Variants in PLCB1 observed in about 807,000 individuals in gnomAD.
PLCB1 encodes the protein 1-phosphatidylinositol 4,5-bisphosphate phosphodiesterase beta-1.
Under a neutral mutation model 161.8 loss-of-function variants are expected in PLCB1, and 46 were observed. The ratio of observed to expected loss-of-function variants is 0.28; its 90% CI spans 0.22 to 0.36. The LOEUF is 0.36. Among genes scored for constraint, PLCB1 ranks in the 10% least tolerant of loss-of-function variants. PLCB1 has a pLI of 1.00. For missense variants in PLCB1, 1,016 were observed against 1,472.5 expected, an observed-to-expected ratio of 0.69 and a Z score of 5.07; for synonymous variants, 517 against 503.7, an observed-to-expected ratio of 1.03 and a Z score of -0.35.
At chr20:8,627,779 G>A (rs1241002638) in intron 3 of PLCB1, among the ~76,000 whole-genome samples, 2 of 152,174 alleles carry the variant, frequency 1.3e-5, no homozygotes, top group Non-Finnish European at 2.9e-5. Context: ...CATATGCATG[G>A]CAGGCACTAC....
intron 31 of PLCB1, among the ~76,000 whole-genome samples, chr20:8,852,810 C>T (rs770494300): frequency 6.6e-6 from 1 of 152,230 alleles, no homozygotes; most frequent in Non-Finnish European, 1.5e-5. Flanking sequence ...AATGCTAGAT[C>T]CTACAGGTAA....
intron 3 of PLCB1, among the ~76,000 whole-genome samples, chr20:8,463,259 A>T (rs1385067964): frequency 2.0e-5 from 3 of 151,614 alleles, no homozygotes; most frequent in East Asian, 3.9e-4. Flanking sequence ...ATGCCTCTCA[A>T]AGATTCAAAG....
chr20:8,462,060 G>A (rs1258610223), intron 3 of PLCB1, among the ~76,000 whole-genome samples: 2 of 151,498 alleles, frequency 1.3e-5, no homozygotes, highest in Non-Finnish European at 2.9e-5. Context: ...ATGTATATAT[G>A]TAAATATATG....
intron 7 of PLCB1, 151 bp from the exon 8 acceptor site, chr20:8,657,033 G>T: frequency 1.7e-6 from 1 of 598,856 alleles, no homozygotes; most frequent in East Asian, 2.8e-5. Flanking sequence ...CCTCCTAGAA[G>T]AAAAGGAAAA....
Position 8,741,566 on chromosome 20 carries a change from A to G in PLCB1, c.2516A>G (p.Lys839Arg). ...ACACTGGAAGATGAAGAAGAAGTAA[A>G]GAAAGAGGTGAGAGGGTGTTTTAAT... is the stretch of plus-strand genomic sequence containing the variant. ...ALTLEDEEEV[K>R]KEADPGETPS... The change falls in exon 23 of 32, where the codon AAG (lysine) becomes AGG (arginine). Residue 839 changes from lysine (K) to arginine (R), a missense_variant. Transcript: ENST00000338037. 1 of 1,606,544 alleles carries G rather than the reference A, an allele frequency of 6.2e-7. No individual in the cohort carries two copies. The highest frequency in any genetic ancestry group is 8.5e-7 in the Non-Finnish European group (1 of 1,173,194).
intron 3 of PLCB1, among the ~76,000 whole-genome samples, chr20:8,583,486 C>T (rs181185462): frequency 6.6e-6 from 1 of 152,172 alleles, no homozygotes; most frequent in Non-Finnish European, 1.5e-5. Flanking sequence ...GGGAATCTAA[C>T]CTAACACAGT....
At chr20:8,441,825 C>A (rs1980573666) in intron 3 of PLCB1, among the ~76,000 whole-genome samples, 1 of 152,064 alleles carries the variant, frequency 6.6e-6, no homozygotes, top group South Asian at 2.1e-4. Context: ...ATTTTAAATC[C>A]TTTTAAATAT....
intron 31 of PLCB1, 107 bp from the exon 32 acceptor site, chr20:8,881,515 A>T: frequency 2.5e-6 from 2 of 804,252 alleles, no homozygotes; most frequent in Non-Finnish European, 4.2e-6. Flanking sequence ...ATTTTAAGTT[A>T]ATGTATTCAT....
At chr20:8,432,634 T>C (rs1397778272) in intron 3 of PLCB1, among the ~76,000 whole-genome samples, 1 of 152,226 alleles carries the variant, frequency 6.6e-6, no homozygotes, top group Non-Finnish European at 1.5e-5. Context: ...AGCAGTATTA[T>C]TTTTTAACCC....
At chr20:8,224,585 A>G (rs571161948) in intron 2 of PLCB1, among the ~76,000 whole-genome samples, 17 of 152,334 alleles carry the variant, frequency 1.1e-4, no homozygotes, top group Admixed American at 9.2e-4. Context: ...ATCACGCAGC[A>G]TATCAGCTTT....
chr20:8,261,393 G>T (rs1364479257), intron 2 of PLCB1, among the ~76,000 whole-genome samples: 1 of 152,110 alleles, frequency 6.6e-6, no homozygotes, highest in African/African-American at 2.4e-5. Flanking sequence ...TCCTCTAAGT[G>T]CCAAAATTCA....
At chr20:8,866,181 T>G (rs752006071) in intron 31 of PLCB1, among the ~76,000 whole-genome samples, 1 of 152,176 alleles carries the variant, frequency 6.6e-6, no homozygotes, top group Non-Finnish European at 1.5e-5. Flanking sequence ...CACACTTACG[T>G]GACGAAGAAG....
At chr20:8,251,387 G>T (rs1981136109) in intron 2 of PLCB1, among the ~76,000 whole-genome samples, 1 of 151,924 alleles carries the variant, frequency 6.6e-6, no homozygotes, top group Non-Finnish European at 1.5e-5. Context: ...AGTAAGGAAA[G>T]TAGCCTTGGA....
At chr20:8,396,772 A>G (rs1987780081) in intron 3 of PLCB1, among the ~76,000 whole-genome samples, 1 of 152,058 alleles carries the variant, frequency 6.6e-6, no homozygotes, top group African/African-American at 2.4e-5. Context: ...ATATATTTGC[A>G]TACGTAACAT....
intron 2 of PLCB1, among the ~76,000 whole-genome samples, chr20:8,163,094 C>G (rs2051641655): frequency 6.6e-6 from 1 of 152,142 alleles, no homozygotes; most frequent in African/African-American, 2.4e-5. Context: ...GATTCAAGTT[C>G]AAGTGGTTTA....
chr20:8,515,740 A>G (rs1984079965), intron 3 of PLCB1, among the ~76,000 whole-genome samples: 2 of 152,306 alleles, frequency 1.3e-5, no homozygotes, highest in African/African-American at 4.8e-5. Flanking sequence ...AACACCCCAA[A>G]GCATAGTGGC....
In PLCB1 at chr20:8,629,833, C is replaced by CT. The variant is rs1364524375; in HGVS notation, c.384+1405dup. Among the ~76,000 whole-genome samples the CT allele has an allele frequency of 6.9e-4, 57 of 82,566 alleles. 1 individual carries two copies. Among genetic ancestry groups the CT allele is most frequent in the African/African-American group, 2.5e-3 (46 of 18,246 alleles). 54.2% of individuals were successfully genotyped at this position (82,566 alleles called of 152,430 possible). On this transcript the variant is annotated intron_variant, in intron 4 of 31. Transcript: ENST00000338037. ...TTTTCTTTCTTTTCTTTCTTTCTTT[C>CT]TTTCTTTCTTTCTTTCTTTCTTTCT... is the stretch of plus-strand genomic sequence containing the variant.
chr20:8,417,691 T>C (rs1013727863), intron 3 of PLCB1, among the ~76,000 whole-genome samples: 6 of 152,224 alleles, frequency 3.9e-5, no homozygotes, highest in Non-Finnish European at 7.3e-5. Context: ...GATTCTCCAA[T>C]TGACTTGCTA....
intron 4 of PLCB1, among the ~76,000 whole-genome samples, chr20:8,632,042 T>TTTTG (rs1988610826): frequency 1.4e-5 from 1 of 71,696 alleles, no homozygotes; most frequent in African/African-American, 4.4e-5. Context: ...TTGCTTTTTT[T>TTTTG]TTTTTTTTTT....
Sources: allele counts gnomAD v4.1 joint callset (sites outside exome capture counted in the v4.1 genomes callset), GRCh38; gene constraint gnomAD v4.1.1; transcripts MANE v1.5; gene names NCBI Gene and HGNC (gene_info 2026-07-23, HGNC 2026-07-21).